Variants in SEM1 observed in about 807,000 individuals in gnomAD.
SEM1 encodes the protein 26S proteasome complex subunit SEM1.
A neutral mutation model predicts 12.7 loss-of-function variants in SEM1; 3 were observed. That is an observed-to-expected ratio of 0.24 (90% CI 0.11 to 0.61). The LOEUF (loss-of-function observed/expected upper bound fraction) is 0.61. Ranked by LOEUF, SEM1 falls within the 20% of genes least tolerant of loss-of-function variation. The probability of loss-of-function intolerance (pLI) is 0.88; values close to 1 mark genes in which losing one functional copy is unlikely to be tolerated. For synonymous variants in SEM1, 30 were observed against 27.8 expected (o/e 1.08, Z -0.25); for missense variants, 59 against 81.3 (o/e 0.73, Z 1.06).
intron 1 of SEM1, among the ~76,000 whole-genome samples, chr7:96,703,585 AAAC>A (rs1389290073): frequency 6.6e-6 from 1 of 152,172 alleles, no homozygotes; most frequent in Non-Finnish European, 1.5e-5. Flanking sequence ...AACAGAAAAA[AAAC>A]AACAAAACCC....
chr7:96,691,818 A>G (rs1365018949), intron 2 of SEM1, among the ~76,000 whole-genome samples: 1 of 152,240 alleles, frequency 6.6e-6, no homozygotes, highest in Non-Finnish European at 1.5e-5. Flanking sequence ...TTAGTAGCCA[A>G]ATGTAACTGA....
chr7:96,553,165 G>T (rs1173968613), intron 2 of SEM1, among the ~76,000 whole-genome samples: 1 of 151,154 alleles, frequency 6.6e-6, no homozygotes, highest in Non-Finnish European at 1.5e-5. Context: ...TCTGATGGTA[G>T]TTTCTTTTGC....
chr7:96,553,022 A>G (rs534978429), intron 2 of SEM1, among the ~76,000 whole-genome samples: 2,883 of 151,426 alleles, frequency 0.019, 84 homozygotes, highest in African/African-American at 0.066. Flanking sequence ...CATGTCCTTC[A>G]CCCACTTTTT....
intron 2 of SEM1, among the ~76,000 whole-genome samples, chr7:96,573,409 T>G (rs1299540676): frequency 6.6e-6 from 1 of 152,206 alleles, no homozygotes; most frequent in Non-Finnish European, 1.5e-5. Context: ...TGGTACCGGT[T>G]GTTCCTTTCC....
intron 2 of SEM1, among the ~76,000 whole-genome samples, chr7:96,557,601 A>G (rs1392099743): frequency 3.1e-5 from 3 of 96,924 alleles, no homozygotes; most frequent in African/African-American, 8.4e-5. Flanking sequence ...CAAAGCTGTC[A>G]GACAGGGACA....
At chr7:96,532,859 G>GT (rs1804680699) in intron 2 of SEM1, among the ~76,000 whole-genome samples, 1 of 152,028 alleles carries the variant, frequency 6.6e-6, no homozygotes, top group African/African-American at 2.4e-5. Flanking sequence ...CCTACAAGAT[G>GT]TTTTTCTCCA....
At chr7:96,553,147 C>G (rs1805348948) in intron 2 of SEM1, among the ~76,000 whole-genome samples, 1 of 151,794 alleles carries the variant, frequency 6.6e-6, no homozygotes, top group Admixed American at 6.6e-5. Flanking sequence ...TGTAGGTTGC[C>G]TGTTCACTCT....
In SEM1 at chr7:96,707,616, T is replaced by G. The variant is rs79116699; in HGVS notation, c.76+2072A>C. On this transcript the variant is annotated intron_variant, in intron 1 of 2. Coordinates refer to ENST00000248566, the MANE Select transcript of SEM1 (RefSeq NM_006304.2). ...CAAGTCTGTTGTGAGTCTTTTGTCC[T>G]TAGAAAGAATAATTTTTTTTTGCTT... Among the ~76,000 whole-genome samples the G allele has an allele frequency of 5.3e-5, 8 of 152,344 alleles. No individual in the cohort carries two copies. The East Asian group carries it at 1.5e-3, about 29-fold the overall frequency.
At chr7:96,578,284 GA>G (rs11305096) in intron 2 of SEM1, among the ~76,000 whole-genome samples, 142,521 of 148,862 alleles carry the variant, frequency 0.96, 68,382 homozygotes, top group Non-Finnish European at 0.98. Context: ...TAAGATAAAG[GA>G]AAAAAAAAAA....
intron 2 of SEM1, chr7:96,649,992 C>T (rs1808921070): frequency 6.5e-6 from 1 of 153,520 alleles, no homozygotes; most frequent in Non-Finnish European, 1.4e-5. Context: ...TCAGTATATC[C>T]CATGTGTTTT....
chr7:96,536,157 A>T (rs1351885828), intron 2 of SEM1, among the ~76,000 whole-genome samples: 1 of 151,838 alleles, frequency 6.6e-6, no homozygotes, highest in Non-Finnish European at 1.5e-5. Flanking sequence ...AATGTTTTAA[A>T]ATTCCTCTTG....
chr7:96,656,928 G>A lies in SEM1; in HGVS notation c.171-34285C>T, dbSNP rs542896377. Among the ~76,000 whole-genome samples, 11 of 151,702 alleles carry A rather than the reference G, an allele frequency of 7.3e-5. No homozygotes were observed. The South Asian group carries it at 2.1e-3, about 29-fold the overall frequency. On this transcript the variant is annotated intron_variant, in intron 2 of 2. Coordinates refer to the SEM1 transcript ENST00000417009. ...TAAGTTGGGCTTATTTATAAGTTGG[G>A]TCAATTTATACATCTGTCTGTAGCT...
At chr7:96,559,241 T>A (rs999435606) in intron 2 of SEM1, among the ~76,000 whole-genome samples, 1 of 152,206 alleles carries the variant, frequency 6.6e-6, no homozygotes, top group Non-Finnish European at 1.5e-5. Flanking sequence ...AGATATATAT[T>A]TGCATATTTT....
At chr7:96,663,894 T>C (rs1789085456) in intron 2 of SEM1, among the ~76,000 whole-genome samples, 1 of 152,202 alleles carries the variant, frequency 6.6e-6, no homozygotes, top group South Asian at 2.1e-4. Context: ...TCCAAAAGTA[T>C]ATGAAACGTT....
intron 2 of SEM1, among the ~76,000 whole-genome samples, chr7:96,570,474 C>T (rs1178999895): frequency 6.6e-6 from 1 of 151,974 alleles, no homozygotes; most frequent in Non-Finnish European, 1.5e-5. Context: ...TGTTAGTTTG[C>T]TGAAAATGAT....
At chr7:96,650,493 G>C (rs1355754561) in intron 2 of SEM1, 1 of 756,600 alleles carries the variant, frequency 1.3e-6, no homozygotes, top group Non-Finnish European at 2.4e-6. Flanking sequence ...GCCATTTAGG[G>C]AGACAGCTCA....
intron 2 of SEM1, among the ~76,000 whole-genome samples, chr7:96,528,332 T>A (rs1377498673): frequency 6.6e-6 from 1 of 152,112 alleles, no homozygotes; most frequent in African/African-American, 2.4e-5. Flanking sequence ...TATCTGGGAC[T>A]ACAGGCGTGC....
intron 2 of SEM1, among the ~76,000 whole-genome samples, chr7:96,557,866 G>C (rs575015169): frequency 6.6e-5 from 10 of 152,152 alleles, no homozygotes; most frequent in African/African-American, 2.2e-4. Context: ...AGGACCCTCC[G>C]AGCCAGGTGT....
chr7:96,527,706 A>G (rs1395333707), intron 2 of SEM1, among the ~76,000 whole-genome samples: 1 of 152,146 alleles, frequency 6.6e-6, no homozygotes, highest in Non-Finnish European at 1.5e-5. Flanking sequence ...CATTGTTATT[A>G]TTGCCACAAC....
Sources: gnomAD v4.1 joint callset for allele counts (sites outside exome capture counted in the v4.1 genomes callset) on GRCh38, gnomAD v4.1.1 for gene constraint, MANE v1.5 for transcripts, NCBI Gene and HGNC (gene_info 2026-07-23, HGNC 2026-07-21) for gene names.